YTHDF2: variants seen among roughly 807,000 people sequenced by gnomAD.
YTHDF2 encodes the protein YTH domain-containing family protein 2.
Under a neutral mutation model 50.4 loss-of-function variants are expected in YTHDF2, and 2 were observed. The ratio of observed to expected loss-of-function variants is 0.04; its 90% CI spans 0.02 to 0.12. YTHDF2 has a LOEUF of 0.12. Among genes scored for constraint, YTHDF2 ranks in the 10% least tolerant of loss-of-function variants. The pLI is 1.00. For synonymous variants in YTHDF2, 217 were observed against 255.6 expected, an observed-to-expected ratio of 0.85 and a Z score of 1.44; for missense variants, 483 against 722.6, an observed-to-expected ratio of 0.67 and a Z score of 3.80.
At position 28,743,750 on chromosome 1, in the gene YTHDF2, C is replaced by T. The variant is rs2087814994; in HGVS notation, c.1480C>T (p.Arg494Cys). 2.5e-6 allele frequency: 4 copies of T among 1,613,332 alleles called. No homozygotes were observed. Among genetic ancestry groups the T allele is most frequent in the East Asian group, 2.2e-5 (1 of 44,868 alleles). ...GTGGTCCCAGGACAAATGGAAGGGT[C>T]GTTTTGATGTCAGGTGGATTTTTGT... ...GVWSQDKWKG[R>C]FDVRWIFVKD... Residue 494 changes from arginine (R) to cysteine (C), a missense_variant, in exon 4 of 5, where the codon CGT becomes TGT. By Grantham distance (180) the Arg-to-Cys change is radical. Transcript: ENST00000373812. This position sits in a 1 kb window ranked among gnomAD's most constrained non-coding sequence, Gnocchi z 6.9.
chr1:28,750,355 A>G (rs1376084141), intron 4 of YTHDF2, among the ~76,000 whole-genome samples: 2 of 152,186 alleles, frequency 1.3e-5, no homozygotes, highest in Non-Finnish European at 2.9e-5. Flanking sequence ...TAGAGGTTAT[A>G]TGGAGAAATA....
At chr1:28,750,675 G>C (rs745355396) in intron 4 of YTHDF2, among the ~76,000 whole-genome samples, 1 of 152,194 alleles carries the variant, frequency 6.6e-6, no homozygotes, top group South Asian at 2.1e-4. Context: ...GTGGATGACA[G>C]AAGGGATTGG....
At chr1:28,745,992 T>C (rs761163441) in intron 4 of YTHDF2, among the ~76,000 whole-genome samples, 2 of 152,178 alleles carry the variant, frequency 1.3e-5, no homozygotes, top group African/African-American at 2.4e-5. Flanking sequence ...TGAGCCATGA[T>C]TGCATCACTG....
At chr1:28,748,838 GA>G (rs2087904851) in intron 4 of YTHDF2, among the ~76,000 whole-genome samples, 1 of 152,036 alleles carries the variant, frequency 6.6e-6, no homozygotes, top group Non-Finnish European at 1.5e-5. Context: ...AGTATTGTCA[GA>G]CTTACTATAA....
chr1:28,756,902 C>T (rs1327163594), intron 4 of YTHDF2, among the ~76,000 whole-genome samples: 1 of 152,186 alleles, frequency 6.6e-6, no homozygotes, highest in East Asian at 1.9e-4. Context: ...TGAATTAGGG[C>T]AAACGTTCTC....
At chr1:28,755,993 G>GACT (rs2088030694) in intron 4 of YTHDF2, among the ~76,000 whole-genome samples, 1 of 152,172 alleles carries the variant, frequency 6.6e-6, no homozygotes. Context: ...GGTAACAGAT[G>GACT]ACTGCAGATG....
At chr1:28,737,848 C>G in intron 2 of YTHDF2, 166 bp downstream of exon 2, 1 of 765,356 alleles carries the variant, frequency 1.3e-6, no homozygotes, top group Non-Finnish European at 2.1e-6. Flanking sequence ...TTGCAGCTGG[C>G]GAACAGCTTT....
chr1:28,765,780 A>G (rs1262158941), intron 4 of YTHDF2, among the ~76,000 whole-genome samples: 1 of 152,088 alleles, frequency 6.6e-6, no homozygotes, highest in East Asian at 1.9e-4. Context: ...ACTCTTCCAC[A>G]TTTTGCCACA....
chr1:28,745,722 C>T (rs1402513534), intron 4 of YTHDF2, among the ~76,000 whole-genome samples: 1 of 77,696 alleles, frequency 1.3e-5, no homozygotes, highest in African/African-American at 4.5e-5. Context: ...CCATCTCCCC[C>T]CGCCCCCCCC....
At chr1:28,765,490 A>G (rs2088202536) in intron 4 of YTHDF2, among the ~76,000 whole-genome samples, 1 of 152,138 alleles carries the variant, frequency 6.6e-6, no homozygotes, top group Admixed American at 6.6e-5. Context: ...TAGCGGTGGC[A>G]TCATAGCTCA....
chr1:28,744,062 C>T (rs2087819599), intron 4 of YTHDF2, 76 bp downstream of exon 4: 1 of 1,407,934 alleles, frequency 7.1e-7, no homozygotes, highest in South Asian at 1.6e-5. Flanking sequence ...ATATAGTGAA[C>T]CGTTAATAAA....
intron 4 of YTHDF2, among the ~76,000 whole-genome samples, chr1:28,752,888 T>TA (rs933844507): frequency 2.6e-5 from 4 of 150,984 alleles, no homozygotes; most frequent in South Asian, 2.1e-4. Flanking sequence ...ACAAAAAATT[T>TA]AAAAAAAATT....
intron 3 of YTHDF2, among the ~76,000 whole-genome samples, chr1:28,740,021 A>G (rs1444079235): frequency 6.6e-6 from 1 of 152,232 alleles, no homozygotes. Context: ...GCATGCCCAT[A>G]TATGGATCTG....
chr1:28,740,772 C>T (rs1351469099), intron 3 of YTHDF2, among the ~76,000 whole-genome samples: 4 of 149,940 alleles, frequency 2.7e-5, no homozygotes, highest in Admixed American at 6.6e-5. Flanking sequence ...GGTGCGATCT[C>T]GGCTCACTGC....
chr1:28,753,397 A>AAAAAAAAAAG (rs2087987634), intron 4 of YTHDF2, among the ~76,000 whole-genome samples: 1 of 114,890 alleles, frequency 8.7e-6, no homozygotes, highest in Admixed American at 9.5e-5. Context: ...AAAAAAAAAA[A>AAAAAAAAAAG]ATCAGCCAGG....
intron 1 of YTHDF2, 111 bp from the exon 2 acceptor site, chr1:28,737,547 C>G: frequency 6.9e-7 from 1 of 1,439,422 alleles, no homozygotes; most frequent in African/African-American, 1.4e-5. Flanking sequence ...CTGACGCCTC[C>G]CCTCGGGCCT....
intron 3 of YTHDF2, among the ~76,000 whole-genome samples, chr1:28,738,899 C>T (rs2087736172): frequency 1.3e-5 from 2 of 152,200 alleles, no homozygotes; most frequent in African/African-American, 4.8e-5. Context: ...TATCAGCAAC[C>T]ATACTGTATT....
chr1:28,756,847 G>C (rs1238335057), intron 4 of YTHDF2, among the ~76,000 whole-genome samples: 1 of 152,150 alleles, frequency 6.6e-6, no homozygotes, highest in Non-Finnish European at 1.5e-5. Context: ...TGTTCTTATA[G>C]TTCCTTAGGA....
intron 4 of YTHDF2, among the ~76,000 whole-genome samples, chr1:28,765,537 C>T (rs974267620): frequency 6.6e-6 from 1 of 152,112 alleles, no homozygotes; most frequent in Admixed American, 6.6e-5. Context: ...GCTGTCCTCC[C>T]ACCTCAGCCT....
Sources: allele counts gnomAD v4.1 joint callset (sites outside exome capture counted in the v4.1 genomes callset), GRCh38; gene constraint gnomAD v4.1.1; non-coding constraint Gnocchi (gnomAD v3.1); transcripts MANE v1.5; gene names NCBI Gene and HGNC (gene_info 2026-07-23, HGNC 2026-07-21).